Variants in BAZ2A observed in about 807,000 individuals in gnomAD.
The protein encoded by BAZ2A is bromodomain adjacent to zinc finger domain 2A.
In BAZ2A, 34 loss-of-function variants were observed where a neutral mutation model predicts 199.9. The observed-to-expected ratio is 0.17, with a 90% CI of 0.13 to 0.23. The LOEUF is 0.23. BAZ2A is among the 10% of genes least tolerant of loss of function. The probability of loss-of-function intolerance (pLI) is 1.00; values close to 1 mark genes in which losing one functional copy is unlikely to be tolerated. For missense variants in BAZ2A, 2,002 were observed against 2,391.1 expected (o/e 0.84, Z 3.39); for synonymous variants, 857 against 883.9 (o/e 0.97, Z 0.54).
chr12:56,624,087 A>C (rs948502606), intron 1 of BAZ2A, among the ~76,000 whole-genome samples: 1 of 150,392 alleles, frequency 6.6e-6, no homozygotes, highest in African/African-American at 2.4e-5. Flanking sequence ...TCTACACTAA[A>C]AAAAAAAAAA....
chr12:56,634,797 G>A, upstream of BAZ2A: 1 of 693,802 alleles, frequency 1.4e-6, no homozygotes, highest in Non-Finnish European at 1.8e-6. Flanking sequence ...AAATGGGCGA[G>A]TAGATAGTTC....
chr12:56,618,493 T>A (rs1250185373), intron 1 of BAZ2A, among the ~76,000 whole-genome samples: 5 of 152,094 alleles, frequency 3.3e-5, no homozygotes, highest in African/African-American at 1.2e-4. Context: ...GAATTATTGG[T>A]AAACTCTAAC....
rs1363472582 is a variant in BAZ2A, at chr12:56,599,111, A to G, written c.5402+18T>C. 1.9e-6 allele frequency: 3 copies of G among 1,603,950 alleles called. No homozygotes were observed. The highest frequency in any genetic ancestry group is 2.7e-5 in the African/African-American group (2 of 74,762). On this transcript the variant is annotated intron_variant, in intron 27 of 28. Coordinates refer to ENST00000549884, the MANE Select transcript of BAZ2A (RefSeq NM_001300905.2). ...CAGAGGTAGAGCCAACTGTCCCCCC[A>G]GGATTCACTCAACTCACTCGCAAAA...
chr12:56,630,320 G>C lies in BAZ2A; in HGVS notation c.-198C>G. ...AGAGGAGCCAACATGGCCGGCGGGGGAGGAGTGAGTCGGAGCCGGAGGGGG... is the reference window on the plus strand; with the variant it reads ...AGAGGAGCCAACATGGCCGGCGGGGCAGGAGTGAGTCGGAGCCGGAGGGGG... On this transcript the variant is annotated 5_prime_UTR_variant, in exon 1 of 29. Transcript: ENST00000549884. 2 of 981,890 alleles carry C rather than the reference G, an allele frequency of 2.0e-6. No individual in the cohort carries two copies. Among genetic ancestry groups the C allele is most frequent in the Non-Finnish European group, 2.4e-6 (2 of 826,702 alleles). The allele number at this position is 981,890 out of a possible 1,614,324, so 60.8% of individuals were successfully genotyped here.
At chr12:56,617,326 C>T (rs2137107583) in intron 2 of BAZ2A, 69 bp downstream of exon 2, 26 of 1,350,834 alleles carry the variant, frequency 1.9e-5, no homozygotes, top group Non-Finnish European at 2.5e-5. Flanking sequence ...AGCAAAATAT[C>T]CCCCCATGAA....
At chr12:56,604,534 C>T in intron 15 of BAZ2A, 51 bp downstream of exon 15, 2 of 1,514,978 alleles carry the variant, frequency 1.3e-6, no homozygotes, top group Non-Finnish European at 1.8e-6. Flanking sequence ...AGTCCTCCAC[C>T]CCATTCTGAT....
chr12:56,616,681 C>A (rs747899970), intron 2 of BAZ2A, among the ~76,000 whole-genome samples: 3 of 152,136 alleles, frequency 2.0e-5, no homozygotes, highest in Non-Finnish European at 4.4e-5. Context: ...ATCTGCAACC[C>A]TCTTCGAGAG....
At chr12:56,629,490 G>A (rs73113820) in intron 1 of BAZ2A, among the ~76,000 whole-genome samples, 14,366 of 152,126 alleles carry the variant, frequency 0.094, 783 homozygotes, top group African/African-American at 0.13. Context: ...AGCCTCAGCG[G>A]AAGCCCTATC....
At position 56,600,508 on chromosome 12, in the gene BAZ2A, G is replaced by C; in HGVS notation, c.4603-18C>G. The C allele has an allele frequency of 6.3e-7, 1 of 1,598,940 alleles. No homozygotes were observed. Among genetic ancestry groups the C allele is most frequent in the South Asian group, 1.1e-5 (1 of 90,320 alleles). Reference sequence around the variant, plus strand: ...GTCCAGCCCTTCAGTTAAGAGAGAGGAATAAAACTCACTGTAAAAGGAGGA... The same window carrying C: ...GTCCAGCCCTTCAGTTAAGAGAGAGCAATAAAACTCACTGTAAAAGGAGGA... On this transcript the variant is annotated intron_variant, in intron 23 of 28. Transcript: ENST00000549884.
rs1886289216 is a variant in BAZ2A, at chr12:56,600,082, G to A, written c.4907C>T (p.Thr1636Ile). 1 of 1,613,974 alleles carries A rather than the reference G, an allele frequency of 6.2e-7. No homozygotes were observed. The highest frequency in any genetic ancestry group is 8.5e-7 in the Non-Finnish European group (1 of 1,179,910). ...GTTTEISYEI[T>I]PRIRVWRQTL... ...CTGGCGCCAGACACGAATGCGAGGG[G>A]TGATCTCATATGATCTGGAGGGAGA... is the stretch of plus-strand genomic sequence containing the variant. Residue 1636 changes from threonine (T) to isoleucine (I), a missense_variant, in exon 25 of 29, where the codon ACC becomes ATC. Physicochemically the swap from Thr to Ile is moderately conservative, Grantham distance 89 (BLOSUM62 -1). Coordinates refer to ENST00000549884, the MANE Select transcript of BAZ2A (RefSeq NM_001300905.2).
At position 56,635,996 on chromosome 12, in the gene BAZ2A, G is replaced by T. The variant is rs543625923; in HGVS notation, c.4+186C>A. Among the ~76,000 whole-genome samples the T allele has an allele frequency of 2.6e-5, 4 of 152,312 alleles. No individual in the cohort carries two copies. The East Asian group carries it at 7.7e-4, about 29-fold the overall frequency. Reference sequence around the variant, plus strand: ...AGGCTCTTCCTTAGAACTGGGGCTTGCCCATACTCAGGATCCCGTGGTCGG... The same window carrying T: ...AGGCTCTTCCTTAGAACTGGGGCTTTCCCATACTCAGGATCCCGTGGTCGG... On this transcript the variant is annotated intron_variant, in intron 1 of 29. Transcript: ENST00000379441. The surrounding 1 kb of genome is among the most constrained non-coding windows in gnomAD (Gnocchi z 4.1).
upstream of BAZ2A, chr12:56,635,000 G>T: frequency 1.0e-6 from 1 of 984,712 alleles, no homozygotes; most frequent in Non-Finnish European, 1.2e-6. Context: ...GCAGGTGGCC[G>T]AGCCGGGCGG....
At chr12:56,621,667 G>A (rs1950924570) in intron 1 of BAZ2A, among the ~76,000 whole-genome samples, 1 of 151,844 alleles carries the variant, frequency 6.6e-6, no homozygotes, top group Non-Finnish European at 1.5e-5. Context: ...CTGTCATCCA[G>A]CAAGCACTCC....
chr12:56,607,361 A>T (rs1950395332), intron 10 of BAZ2A, among the ~76,000 whole-genome samples: 3 of 152,204 alleles, frequency 2.0e-5, no homozygotes. Context: ...TGTTTCTGAC[A>T]TGACTATATA....
chr12:56,607,860 C>CCTG (rs1400819474), intron 10 of BAZ2A, among the ~76,000 whole-genome samples: 6 of 152,036 alleles, frequency 3.9e-5, no homozygotes, highest in Non-Finnish European at 8.8e-5. Context: ...GCAGGCGGAT[C>CCTG]ACCTGAGGTC....
Position 56,609,925 on chromosome 12 carries a change from A to T in BAZ2A, c.1903T>A (p.Ser635Thr). The T allele has an allele frequency of 1.2e-6, 2 of 1,612,410 alleles. No homozygotes were observed. Among genetic ancestry groups the T allele is most frequent in the Non-Finnish European group, 1.7e-6 (2 of 1,179,714 alleles). ...TPEGLQWVQL[S>T]AEEIPSRIQA... ...ATCCTCGACGGGATCTCCTCTGCTGAGAGCTGCACCCACTGCAAGCCCTAA... is the reference window on the plus strand; with the variant it reads ...ATCCTCGACGGGATCTCCTCTGCTGTGAGCTGCACCCACTGCAAGCCCTAA... Residue 635 changes from serine to threonine, a missense_variant, in exon 10 of 29, where the codon TCA (serine) becomes ACA (threonine). Ser to Thr is a moderately conservative substitution (Grantham distance 58). This residue lies in a region of BAZ2A where 74 missense variants were observed against 126.1 expected (regional missense o/e 0.59). Transcript: ENST00000549884.
intron 1 of BAZ2A, among the ~76,000 whole-genome samples, chr12:56,621,636 A>G (rs1304009374): frequency 6.6e-6 from 1 of 151,948 alleles, no homozygotes; most frequent in Non-Finnish European, 1.5e-5. Context: ...GAAAATCTAA[A>G]TTAGAGCCCC....
At chr12:56,634,839 G>T, upstream of BAZ2A, 1 of 911,478 alleles carries the variant, frequency 1.1e-6, no homozygotes, top group Non-Finnish European at 1.3e-6. Context: ...TCCCTCAGGG[G>T]GAGAGTCAGA....
intron 13 of BAZ2A, chr12:56,605,616 C>G (rs970088327): frequency 3.2e-6 from 2 of 633,022 alleles, no homozygotes; most frequent in Non-Finnish European, 5.3e-6. Flanking sequence ...GAGATGAGGT[C>G]TCGCCATGTT....
Sources: gnomAD v4.1 joint callset for allele counts (sites outside exome capture counted in the v4.1 genomes callset) on GRCh38, gnomAD v4.1.1 for gene constraint, gnomAD v4.1.1 regional missense constraint, Gnocchi (gnomAD v3.1) non-coding constraint, MANE v1.5 for transcripts, NCBI Gene and HGNC (gene_info 2026-07-23, HGNC 2026-07-21) for gene names.